CDC37L1: variants seen among roughly 807,000 people sequenced by gnomAD.
The protein encoded by CDC37L1 is cell division cycle 37 like 1, HSP90 cochaperone, also known as hsp90 co-chaperone Cdc37-like 1.
A neutral mutation model predicts 45.9 loss-of-function variants in CDC37L1; 32 were observed. The observed-to-expected ratio is 0.70, with a 90% CI of 0.53 to 0.94. The LOEUF is 0.94. CDC37L1 is among the 40% of genes least tolerant of loss of function. CDC37L1 has a pLI of 0.00. For missense variants in CDC37L1, 434 were observed against 405.7 expected (o/e 1.07, Z -0.60); for synonymous variants, 150 against 133.0 (o/e 1.13, Z -0.88).
chr9:4,680,425 C>G (rs763975048), intron 1 of CDC37L1, among the ~76,000 whole-genome samples: 51 of 152,290 alleles, frequency 3.3e-4, no homozygotes, highest in African/African-American at 1.2e-3. Flanking sequence ...TTGACGCTGG[C>G]GTACACCTCT....
At chr9:4,680,903 T>G (rs1841186424) in intron 1 of CDC37L1, among the ~76,000 whole-genome samples, 1 of 152,246 alleles carries the variant, frequency 6.6e-6, no homozygotes, top group Non-Finnish European at 1.5e-5. Context: ...ATTATCAATC[T>G]TATGTCCAGC....
At chr9:4,684,200 C>T (rs752965847) in intron 1 of CDC37L1, among the ~76,000 whole-genome samples, 1 of 152,184 alleles carries the variant, frequency 6.6e-6, no homozygotes, top group East Asian at 1.9e-4. Flanking sequence ...AGGAAAATCA[C>T]GTAAACCCCA....
Position 4,697,082 on chromosome 9 carries a change from T to C in CDC37L1, c.509-14T>C. On this transcript the variant is annotated splice_polypyrimidine_tract_variant and intron_variant, in intron 3 of 6. Transcript: ENST00000381854. ...AAATATTTGACACTTATGGTTCAAT[T>C]CTTTTTTTTACAGGTATGTTGAGTC... 1 of 1,157,582 alleles carries C rather than the reference T, an allele frequency of 8.6e-7. No individual in the cohort carries two copies. Among genetic ancestry groups the C allele is most frequent in the Non-Finnish European group, 1.3e-6 (1 of 778,668 alleles). 71.7% of individuals were successfully genotyped at this position (1,157,582 alleles called of 1,614,324 possible). A position where few individuals can be genotyped will look rare whatever the true frequency, so the allele number is the denominator to read the frequency against.
Position 4,679,645 on chromosome 9 carries a change from G to T in CDC37L1, c.-123G>T. 1.1e-6 allele frequency: 1 copy of T among 887,550 alleles called. No individual in the cohort carries two copies. The allele number at this position is 887,550 out of a possible 1,614,324, so 55.0% of individuals were successfully genotyped here. On this transcript the variant is annotated 5_prime_UTR_variant, in exon 1 of 7. Transcript: ENST00000381854. ...GCGTCGCGGCCAGTAGAGGGATTCT[G>T]GGTAACGGCCCGGACCCCCGGCTGG...
chr9:4,680,186 C>G (rs1841177048), intron 1 of CDC37L1, among the ~76,000 whole-genome samples: 1 of 152,206 alleles, frequency 6.6e-6, no homozygotes, highest in African/African-American at 2.4e-5. Flanking sequence ...ATCTCCCCTT[C>G]CTGACAGCAC....
chr9:4,700,417 G>C (rs1228894802), intron 5 of CDC37L1, among the ~76,000 whole-genome samples: 1 of 151,998 alleles, frequency 6.6e-6, no homozygotes, highest in South Asian at 2.1e-4. Context: ...CAAAATACTG[G>C]GATTACAGAC....
intron 6 of CDC37L1, 21 bp downstream of exon 6, chr9:4,702,049 T>G: frequency 7.7e-7 from 1 of 1,294,202 alleles, no homozygotes; most frequent in South Asian, 2.1e-5. Flanking sequence ...AAAGTAAATA[T>G]TTGTTTTATA....
chr9:4,696,590 G>A (rs1841350258), intron 3 of CDC37L1, among the ~76,000 whole-genome samples: 1 of 152,134 alleles, frequency 6.6e-6, no homozygotes, highest in Admixed American at 6.6e-5. Flanking sequence ...TTTCTTGGTG[G>A]TATTGACTTT....
intron 5 of CDC37L1, among the ~76,000 whole-genome samples, chr9:4,701,557 A>G (rs571162622): frequency 5.8e-4 from 89 of 152,200 alleles, no homozygotes; most frequent in Non-Finnish European, 1.1e-3. Flanking sequence ...TTAAGGATCT[A>G]GATAAGTCAA....
chr9:4,690,751 G>A lies in CDC37L1; in HGVS notation c.508+2145G>A, dbSNP rs80237214. Reference sequence around the variant, plus strand: ...CCATTCCCAGAGTCACAATGTGCCTGTTTCTTACTGAAAATGCATGTTGTC... The same window carrying A: ...CCATTCCCAGAGTCACAATGTGCCTATTTCTTACTGAAAATGCATGTTGTC... On this transcript the variant is annotated intron_variant, in intron 3 of 6. Coordinates refer to ENST00000381854, the MANE Select transcript of CDC37L1 (RefSeq NM_017913.4). Among the ~76,000 whole-genome samples the A allele has an allele frequency of 8.3e-3, 1,258 of 152,306 alleles. 11 individuals carry two copies. Among genetic ancestry groups the A allele is most frequent in the Non-Finnish European group, 0.013 (917 of 68,030 alleles).
At position 4,685,119 on chromosome 9, in the gene CDC37L1, G is replaced by T. The variant is rs1415296721; in HGVS notation, c.375G>T (p.Leu125=). 3.1e-6 allele frequency: 5 copies of T among 1,613,844 alleles called. No homozygotes were observed. In the East Asian group the frequency reaches 1.1e-4, roughly 36 times the overall value. Residue 125 remains leucine (L), a synonymous_variant, in exon 2 of 7, where the codon CTG becomes CTT. Transcript: ENST00000381854. ...TAGTACAAAGAGAGAAGATGTGTCTGTGGAGCACGGATGCCATTAGCAAGG... is the reference window on the plus strand; with the variant it reads ...TAGTACAAAGAGAGAAGATGTGTCTTTGGAGCACGGATGCCATTAGCAAGG... ...EALVQREKMC[L]WSTDAISKDV...
chr9:4,679,993 T>G (rs184153061), intron 1 of CDC37L1, 94 bp downstream of exon 1: 2 of 1,480,766 alleles, frequency 1.4e-6, no homozygotes, highest in Non-Finnish European at 1.8e-6. Flanking sequence ...CTACGCCTTT[T>G]TCTACGCCCA....
chr9:4,684,810 A>G (rs1841231461), intron 1 of CDC37L1, 67 bp from the exon 2 acceptor site: 3 of 1,188,650 alleles, frequency 2.5e-6, no homozygotes, highest in Non-Finnish European at 3.6e-6. Context: ...GAATTAAGAA[A>G]AATTGAACTG....
chr9:4,687,389 C>T (rs1162962103), intron 2 of CDC37L1, among the ~76,000 whole-genome samples: 2 of 151,980 alleles, frequency 1.3e-5, no homozygotes, highest in African/African-American at 4.8e-5. Flanking sequence ...ATTAGAAATG[C>T]AACAAAGGGC....
At chr9:4,685,724 C>T (rs374962147) in intron 2 of CDC37L1, among the ~76,000 whole-genome samples, 3 of 152,126 alleles carry the variant, frequency 2.0e-5, no homozygotes, top group Admixed American at 2.0e-4. Flanking sequence ...TTTAAAATCT[C>T]ATGTTTTTCA....
chr9:4,705,526 T>G (rs1471538883), intron 6 of CDC37L1, among the ~76,000 whole-genome samples: 1 of 152,182 alleles, frequency 6.6e-6, no homozygotes, highest in Non-Finnish European at 1.5e-5. Flanking sequence ...TGAGTTTGTT[T>G]TAACCTTTGG....
At chr9:4,685,291 T>A in intron 2 of CDC37L1, 133 bp downstream of exon 2, 1 of 737,176 alleles carries the variant, frequency 1.4e-6, no homozygotes, top group East Asian at 2.6e-5. Context: ...TGAAAGGTGC[T>A]TGAAAAGTTT....
intron 6 of CDC37L1, among the ~76,000 whole-genome samples, chr9:4,704,486 G>T (rs1244125857): frequency 6.6e-6 from 1 of 152,194 alleles, no homozygotes; most frequent in African/African-American, 2.4e-5. Context: ...GTATCTTACA[G>T]TTCTTAGGAA....
At chr9:4,684,292 A>G (rs773570865) in intron 1 of CDC37L1, among the ~76,000 whole-genome samples, 9 of 152,144 alleles carry the variant, frequency 5.9e-5, no homozygotes, top group African/African-American at 1.9e-4. Context: ...CAAAATATAT[A>G]TATATATAAT....
Sources: allele counts gnomAD v4.1 joint callset (sites outside exome capture counted in the v4.1 genomes callset), GRCh38; gene constraint gnomAD v4.1.1; transcripts MANE v1.5; gene names NCBI Gene and HGNC (gene_info 2026-07-23, HGNC 2026-07-21).